Variants in MYRIP observed in about 807,000 individuals in gnomAD.
MYRIP encodes myosin VIIA and Rab interacting protein.
MYRIP carries 49 observed loss-of-function variants against 98.0 expected under a neutral mutation model. The ratio of observed to expected loss-of-function variants is 0.50; its 90% CI spans 0.40 to 0.63. The LOEUF is 0.63. Ranked by LOEUF, MYRIP falls within the 30% of genes least tolerant of loss-of-function variation. The pLI, the probability that MYRIP is intolerant of heterozygous loss-of-function variation, is 0.00. For missense variants in MYRIP, 1,004 were observed against 1,058.2 expected (o/e 0.95, Z 0.71); for synonymous variants, 404 against 409.5 (o/e 0.99, Z 0.16).
At chr3:39,814,941 A>G (rs1309768092) in intron 1 of MYRIP, among the ~76,000 whole-genome samples, 3 of 152,204 alleles carry the variant, frequency 2.0e-5, no homozygotes, top group South Asian at 2.1e-4. Flanking sequence ...GCTTTATAAT[A>G]TTCTCCATAA....
chr3:40,175,164 T>G (rs1444675218), intron 8 of MYRIP, among the ~76,000 whole-genome samples: 1 of 151,960 alleles, frequency 6.6e-6, no homozygotes, highest in Non-Finnish European at 1.5e-5. Flanking sequence ...AAGATAAATG[T>G]TATTGGGATG....
chr3:40,078,441 A>G (rs1213586155), intron 3 of MYRIP, among the ~76,000 whole-genome samples: 1 of 152,232 alleles, frequency 6.6e-6, no homozygotes, highest in African/African-American at 2.4e-5. Context: ...CACCTAGAGC[A>G]AGCGAGGGCT....
chr3:39,891,733 T>C (rs1241105923), intron 1 of MYRIP, among the ~76,000 whole-genome samples: 1 of 152,210 alleles, frequency 6.6e-6, no homozygotes, highest in Admixed American at 6.5e-5. Flanking sequence ...TGCATTTTAC[T>C]AATTCAGGGT....
rs561862983 is a variant in MYRIP, at chr3:40,114,787, A to T, written c.333-36261A>T. Among the ~76,000 whole-genome samples, 4 of 152,366 alleles carry T rather than the reference A, an allele frequency of 2.6e-5. No homozygotes were observed. In the South Asian group the frequency reaches 8.3e-4, roughly 32 times the overall value. On this transcript the variant is annotated intron_variant, in intron 3 of 16. Transcript: ENST00000302541. ...AGTGCTTGAATGTGCTTTCAGTGGG[A>T]TGTAAATCAATACAGCTCCCTGCTT... is the stretch of plus-strand genomic sequence containing the variant.
At chr3:40,149,927 G>T (rs1434096726) in intron 3 of MYRIP, among the ~76,000 whole-genome samples, 3 of 152,140 alleles carry the variant, frequency 2.0e-5, no homozygotes, top group Non-Finnish European at 4.4e-5. Flanking sequence ...TGAATTGGAA[G>T]CCTTTATATT....
At chr3:40,056,136 G>A (rs1226009256) in intron 3 of MYRIP, among the ~76,000 whole-genome samples, 2 of 152,198 alleles carry the variant, frequency 1.3e-5, no homozygotes, top group African/African-American at 4.8e-5. Flanking sequence ...AAGATCATCA[G>A]CTTGCTTTGG....
chr3:40,091,092 GC>G (rs1024585514), intron 3 of MYRIP, among the ~76,000 whole-genome samples: 66 of 152,316 alleles, frequency 4.3e-4, no homozygotes, highest in African/African-American at 1.6e-3. Context: ...CCAGCCTAAG[GC>G]CCCTTCTGTG....
chr3:39,839,337 A>C (rs1433815682), intron 1 of MYRIP, among the ~76,000 whole-genome samples: 1 of 151,558 alleles, frequency 6.6e-6, no homozygotes, highest in Non-Finnish European at 1.5e-5. Context: ...GGCTCACTGC[A>C]ACCTCCGCCT....
chr3:40,020,929 AT>A (rs1457480494), intron 2 of MYRIP, among the ~76,000 whole-genome samples: 21 of 152,088 alleles, frequency 1.4e-4, no homozygotes, highest in Non-Finnish European at 1.8e-4. Flanking sequence ...CATCATTCCA[AT>A]ATGGGGTGTA....
chr3:40,027,055 T>C (rs1668328138), intron 2 of MYRIP, among the ~76,000 whole-genome samples: 1 of 152,226 alleles, frequency 6.6e-6, no homozygotes, highest in East Asian at 1.9e-4. Context: ...TCTGAGCTGC[T>C]AAAACCCACA....
chr3:39,939,538 G>A (rs978109158), intron 2 of MYRIP, among the ~76,000 whole-genome samples: 2 of 152,052 alleles, frequency 1.3e-5, no homozygotes, highest in African/African-American at 4.8e-5. Flanking sequence ...AGGCCTAACA[G>A]TGATTGTCTT....
intron 3 of MYRIP, among the ~76,000 whole-genome samples, chr3:40,097,640 C>T (rs956374950): frequency 3.3e-5 from 5 of 152,138 alleles, no homozygotes; most frequent in Admixed American, 3.3e-4. Flanking sequence ...AGATCTTTGG[C>T]CAGGCTCCCA....
In MYRIP at chr3:39,832,231, G is replaced by C. The variant is rs556328933; in HGVS notation, c.-31+22315G>C. 1.4e-3 allele frequency among the ~76,000 whole-genome samples: 208 copies of C among 152,248 alleles called. 5 individuals carry two copies. In the South Asian group the frequency reaches 0.042, roughly 31 times the overall value. ...ACACAGAATATGTTTGTAACAACCTGGCACAAATTTTCTTCAAGTTATTCT... is the reference window on the plus strand; with the variant it reads ...ACACAGAATATGTTTGTAACAACCTCGCACAAATTTTCTTCAAGTTATTCT... On this transcript the variant is annotated intron_variant, in intron 1 of 16. Transcript: ENST00000302541.
At chr3:40,208,488 T>G (rs553495581) in intron 10 of MYRIP, among the ~76,000 whole-genome samples, 1 of 152,290 alleles carries the variant, frequency 6.6e-6, no homozygotes, top group African/African-American at 2.4e-5. Context: ...TATGTCTTCC[T>G]GGAGTTCCCC....
chr3:39,926,531 C>T (rs1944424352), intron 2 of MYRIP, among the ~76,000 whole-genome samples: 1 of 151,982 alleles, frequency 6.6e-6, no homozygotes. Context: ...AGTAGGGGTC[C>T]AGTTTCATTC....
chr3:40,188,616 A>C (rs188884555), intron 9 of MYRIP, among the ~76,000 whole-genome samples: 223 of 152,310 alleles, frequency 1.5e-3, no homozygotes, highest in Middle Eastern at 6.8e-3. Flanking sequence ...CGCCTCTACT[A>C]AAAATGCATA....
At chr3:39,962,032 A>G (rs1341623858) in intron 2 of MYRIP, among the ~76,000 whole-genome samples, 1 of 152,140 alleles carries the variant, frequency 6.6e-6, no homozygotes, top group African/African-American at 2.4e-5. Flanking sequence ...AGTTAAGAGC[A>G]GAATAGTATA....
chr3:39,929,436 A>G (rs563304055), intron 2 of MYRIP, among the ~76,000 whole-genome samples: 4 of 152,198 alleles, frequency 2.6e-5, no homozygotes, highest in African/African-American at 9.6e-5. Flanking sequence ...AACAATTTTG[A>G]AAAAGAATAA....
intron 11 of MYRIP, among the ~76,000 whole-genome samples, chr3:40,233,399 G>T (rs1011027998): frequency 5.9e-5 from 9 of 152,136 alleles, no homozygotes; most frequent in Admixed American, 4.6e-4. Flanking sequence ...GAAATAACTT[G>T]ACCAAGGTCC....
Sources: allele counts gnomAD v4.1 joint callset (sites outside exome capture counted in the v4.1 genomes callset), GRCh38; gene constraint gnomAD v4.1.1; transcripts MANE v1.5; gene names NCBI Gene and HGNC (gene_info 2026-07-23, HGNC 2026-07-21).